RFX2: variants seen among roughly 807,000 people sequenced by gnomAD.
The protein encoded by RFX2 is regulatory factor X2.
RFX2 carries 20 observed loss-of-function variants against 87.8 expected under a neutral mutation model. That is an observed-to-expected ratio of 0.23 (90% CI 0.16 to 0.33). The LOEUF (loss-of-function observed/expected upper bound fraction) is 0.33. Ranked by LOEUF, RFX2 falls within the 10% of genes least tolerant of loss-of-function variation. The pLI, the probability that RFX2 is intolerant of heterozygous loss-of-function variation, is 1.00. For missense variants in RFX2, 767 were observed against 1,012.3 expected (o/e 0.76, Z 3.29); for synonymous variants, 397 against 431.3 (o/e 0.92, Z 0.98).
At position 6,044,376 on chromosome 19, in the gene RFX2, G is replaced by T; in HGVS notation, c.91-94C>A. ...TAAGATGCTGTTTGTCTGTTCATGTGCTTTTTATTAAAACATAGGCAGGAC... is the reference window on the plus strand; with the variant it reads ...TAAGATGCTGTTTGTCTGTTCATGTTCTTTTTATTAAAACATAGGCAGGAC... On this transcript the variant is annotated intron_variant, in intron 2 of 17. Transcript: ENST00000303657. The surrounding 1 kb of genome is among the most constrained non-coding windows in gnomAD (Gnocchi z 5.3). The T allele has an allele frequency of 1.2e-6, 1 of 832,964 alleles. No homozygotes were observed. The highest frequency in any genetic ancestry group is 1.7e-6 in the Non-Finnish European group (1 of 574,730). 51.6% of individuals were successfully genotyped at this position (832,964 alleles called of 1,614,324 possible).
At position 6,017,882 on chromosome 19, in the gene RFX2, C is replaced by T. The variant is rs1409831240; in HGVS notation, c.598-1611G>A. 6.9e-6 allele frequency among the ~76,000 whole-genome samples: 1 copy of T among 145,762 alleles called. No homozygotes were observed. Among genetic ancestry groups the T allele is most frequent in the South Asian group, 2.4e-4 (1 of 4,200 alleles). On this transcript the variant is annotated intron_variant, in intron 6 of 17. Coordinates refer to ENST00000303657, the MANE Select transcript of RFX2 (RefSeq NM_000635.4). The surrounding 1 kb of genome is among the most constrained non-coding windows in gnomAD (Gnocchi z 4.1). Reference sequence around the variant, plus strand: ...CCACAGCGTACCCATGGCACCCCCCCGCCCCACTGTCACGTTTGCCTGTCT... The same window carrying T: ...CCACAGCGTACCCATGGCACCCCCCTGCCCCACTGTCACGTTTGCCTGTCT...
At chr19:6,029,828 A>G (rs1236400205) in intron 5 of RFX2, among the ~76,000 whole-genome samples, 2 of 152,270 alleles carry the variant, frequency 1.3e-5, no homozygotes, top group Admixed American at 1.3e-4. Flanking sequence ...AGTTGAAAGT[A>G]TAATAGCTGG....
intron 6 of RFX2, among the ~76,000 whole-genome samples, chr19:6,025,826 C>T (rs1326903858): frequency 6.9e-6 from 1 of 145,694 alleles, no homozygotes; most frequent in Non-Finnish European, 1.5e-5. Context: ...CACTCTGTTG[C>T]CCAGGCTGGA....
chr19:6,012,914 G>A lies in RFX2; in HGVS notation c.899+72C>T, dbSNP rs1415041016. On this transcript the variant is annotated intron_variant, in intron 8 of 17. Transcript: ENST00000303657. This position sits in a 1 kb window ranked among gnomAD's most constrained non-coding sequence, Gnocchi z 4.6. ...TGGGGAGTTATGATGAGTTTGTTTC[G>A]TGTTGGAGAAACACCCACCCCTCCA... The A allele has an allele frequency of 5.9e-6, 8 of 1,359,378 alleles. No homozygotes were observed. Among genetic ancestry groups the A allele is most frequent in the African/African-American group, 3.0e-5 (2 of 67,136 alleles). The allele number at this position is 1,359,378 out of a possible 1,614,324, so 84.2% of individuals were successfully genotyped here.
In RFX2 at chr19:6,017,221, A is replaced by G. The variant is rs568304792; in HGVS notation, c.598-950T>C. Among the ~76,000 whole-genome samples the G allele has an allele frequency of 6.6e-6, 1 of 152,332 alleles. No individual in the cohort carries two copies. Among genetic ancestry groups the G allele is most frequent in the Non-Finnish European group, 1.5e-5 (1 of 68,020 alleles). On this transcript the variant is annotated intron_variant, in intron 6 of 17. Coordinates refer to ENST00000303657, the MANE Select transcript of RFX2 (RefSeq NM_000635.4). The surrounding 1 kb of genome is among the most constrained non-coding windows in gnomAD (Gnocchi z 4.1). ...ACTCCAGCCTGGGCGACAGGGCAAG[A>G]CTTCGTCTCTTTCAAAAAACGAAAC...
chr19:6,099,417 A>G lies in RFX2; in HGVS notation c.-9+10976T>C, dbSNP rs564995429. ...ATTAAAATTTCTTTTGAAATTTGGT[A>G]AAGGAAAAGTACATATTGAAAGAGC... is the stretch of plus-strand genomic sequence containing the variant. On this transcript the variant is annotated intron_variant, in intron 1 of 17. Transcript: ENST00000303657. 1.2e-4 allele frequency among the ~76,000 whole-genome samples: 18 copies of G among 152,338 alleles called. 1 individual carries two copies. In the South Asian group the frequency reaches 3.7e-3, roughly 32 times the overall value.
rs546388886 is a variant in RFX2 at position 6,001,472 on chromosome 19, C to T, written c.1859+343G>A. ...GAGGTCCTGATATTTTCCCCAGGGTCGTCTCAAATTTCTGGTCTCAAGCCA... is the reference window on the plus strand; with the variant it reads ...GAGGTCCTGATATTTTCCCCAGGGTTGTCTCAAATTTCTGGTCTCAAGCCA... On this transcript the variant is annotated intron_variant, in intron 15 of 17. Coordinates refer to ENST00000303657, the MANE Select transcript of RFX2 (RefSeq NM_000635.4). This position sits in a 1 kb window ranked among gnomAD's most constrained non-coding sequence, Gnocchi z 5.6. Among the ~76,000 whole-genome samples, 4 of 152,134 alleles carry T rather than the reference C, an allele frequency of 2.6e-5. No individual in the cohort carries two copies. The highest frequency in any genetic ancestry group is 5.9e-5 in the Non-Finnish European group (4 of 68,040).
intron 1 of RFX2, among the ~76,000 whole-genome samples, chr19:6,052,067 G>T (rs372617821): frequency 3.3e-5 from 5 of 151,964 alleles, no homozygotes; most frequent in African/African-American, 1.2e-4. Context: ...TAGTAGAGAC[G>T]GGGTTTCACC....
chr19:6,056,479 T>C lies in RFX2; in HGVS notation c.-8-8975A>G, dbSNP rs2087344072. Among the ~76,000 whole-genome samples the C allele has an allele frequency of 6.6e-6, 1 of 152,074 alleles. No individual in the cohort carries two copies. ...TCCTCCCAGAAGGGGTGATGCTGGA[T>C]CCTGAGTAACTCCTCCACCTGGCAG... On this transcript the variant is annotated intron_variant, in intron 1 of 17. Transcript: ENST00000303657. The surrounding 1 kb of genome is among the most constrained non-coding windows in gnomAD (Gnocchi z 4.6).
At position 6,039,947 on chromosome 19, in the gene RFX2, C is replaced by T; in HGVS notation, c.522+33G>A. 1 of 1,516,370 alleles carries T rather than the reference C, an allele frequency of 6.6e-7. No individual in the cohort carries two copies. Among genetic ancestry groups the T allele is most frequent in the Non-Finnish European group, 8.9e-7 (1 of 1,121,510 alleles). The allele number at this position is 1,516,370 out of a possible 1,614,324, so 93.9% of individuals were successfully genotyped here. A position where few individuals can be genotyped will look rare whatever the true frequency, so the allele number is the denominator to read the frequency against. ...CCGCTGCTTCGAGAATACTCATGGC[C>T]TACCCTGCTGGTCCCAAGAGCCTCC... On this transcript the variant is annotated intron_variant, in intron 5 of 17. Transcript: ENST00000303657. The surrounding 1 kb of genome is among the most constrained non-coding windows in gnomAD (Gnocchi z 5.2).
At chr19:6,028,993 C>T (rs2086922773) in intron 5 of RFX2, among the ~76,000 whole-genome samples, 2 of 151,442 alleles carry the variant, frequency 1.3e-5, no homozygotes, top group African/African-American at 2.4e-5. Context: ...GCAGAAGGAT[C>T]GCTTGAATCC....
At chr19:6,015,188 G>A (rs993641470) in intron 7 of RFX2, among the ~76,000 whole-genome samples, 1 of 152,138 alleles carries the variant, frequency 6.6e-6, no homozygotes, top group African/African-American at 2.4e-5. Flanking sequence ...AGAACTTTGG[G>A]AGGCTGAGGC....
Position 6,039,925 on chromosome 19 carries a change from C to T in RFX2, c.522+55G>A. The T allele has an allele frequency of 6.8e-7, 1 of 1,474,332 alleles. No homozygotes were observed. The highest frequency in any genetic ancestry group is 9.1e-7 in the Non-Finnish European group (1 of 1,099,834). 91.3% of individuals were successfully genotyped at this position (1,474,332 alleles called of 1,614,324 possible). A position where few individuals can be genotyped will look rare whatever the true frequency, so the allele number is the denominator to read the frequency against. On this transcript the variant is annotated intron_variant, in intron 5 of 17. Coordinates refer to ENST00000303657, the MANE Select transcript of RFX2 (RefSeq NM_000635.4). The surrounding 1 kb of genome is among the most constrained non-coding windows in gnomAD (Gnocchi z 5.2). ...CTCTTACTCACCATCCCTGCTGCCG[C>T]TGCTTCGAGAATACTCATGGCCTAC...
At chr19:6,076,571 A>G (rs1482858700) in intron 1 of RFX2, among the ~76,000 whole-genome samples, 1 of 152,076 alleles carries the variant, frequency 6.6e-6, no homozygotes, top group Non-Finnish European at 1.5e-5. Flanking sequence ...AAATACTTCT[A>G]TCTGTGTTGG....
In RFX2 at chr19:6,007,244, C is replaced by G. The variant is rs1294266363; in HGVS notation, c.1248-78G>C. The G allele has an allele frequency of 6.8e-7, 1 of 1,472,544 alleles. No homozygotes were observed. Among genetic ancestry groups the G allele is most frequent in the Non-Finnish European group, 9.3e-7 (1 of 1,075,396 alleles). 91.2% of individuals were successfully genotyped at this position (1,472,544 alleles called of 1,614,324 possible). A position where few individuals can be genotyped will look rare whatever the true frequency, so the allele number is the denominator to read the frequency against. On this transcript the variant is annotated intron_variant, in intron 11 of 17. Coordinates refer to ENST00000303657, the MANE Select transcript of RFX2 (RefSeq NM_000635.4). This position sits in a 1 kb window ranked among gnomAD's most constrained non-coding sequence, Gnocchi z 8.2. ...TCAGCCACGGGAGCGAGCAGAGAGC[C>G]GGGCTGCGGGACTTTTGCCCAACAG...
rs1171276887 is a variant in RFX2 at position 6,021,963 on chromosome 19, T to TG, written c.597+4199dup. Among the ~76,000 whole-genome samples the TG allele has an allele frequency of 6.7e-6, 1 of 148,512 alleles. No individual in the cohort carries two copies. Among genetic ancestry groups the TG allele is most frequent in the Non-Finnish European group, 1.5e-5 (1 of 67,130 alleles). The stretch of plus-strand genomic sequence containing the variant: ...CGGGAAGTAGTCGAAGTGGAGGAGG[T>TG]GGGGGGTGCCACCTGGTTCTGGATC... On this transcript the variant is annotated intron_variant, in intron 6 of 17. Transcript: ENST00000303657. The surrounding 1 kb of genome is among the most constrained non-coding windows in gnomAD (Gnocchi z 5.7).
In RFX2 at chr19:5,997,296, A is replaced by C; in HGVS notation, c.1860-83T>G. The C allele has an allele frequency of 7.2e-7, 1 of 1,390,034 alleles. No individual in the cohort carries two copies. The allele number at this position is 1,390,034 out of a possible 1,614,324, so 86.1% of individuals were successfully genotyped here. A position where few individuals can be genotyped will look rare whatever the true frequency, so the allele number is the denominator to read the frequency against. ...AGGCCAGACTTCATGGCAGCAACAC[A>C]CCCCCTGCTCTACGTTCCCTGGGGA... On this transcript the variant is annotated intron_variant, in intron 15 of 17. Transcript: ENST00000303657. The surrounding 1 kb of genome is among the most constrained non-coding windows in gnomAD (Gnocchi z 4.2).
chr19:6,072,202 C>T (rs2087616404), intron 1 of RFX2: 1 of 152,242 alleles, frequency 6.6e-6, no homozygotes, highest in African/African-American at 2.4e-5. Context: ...ACTCAAATCA[C>T]CCTCTTCCTG....
intron 1 of RFX2, among the ~76,000 whole-genome samples, chr19:6,087,202 C>T (rs566715713): frequency 7.2e-5 from 11 of 152,026 alleles, no homozygotes; most frequent in Non-Finnish European, 1.3e-4. Flanking sequence ...ATAGACAGGG[C>T]GACAGGCATA....
Sources: allele counts gnomAD v4.1 joint callset (sites outside exome capture counted in the v4.1 genomes callset), GRCh38; gene constraint gnomAD v4.1.1; non-coding constraint Gnocchi (gnomAD v3.1); transcripts MANE v1.5; gene names NCBI Gene and HGNC (gene_info 2026-07-23, HGNC 2026-07-21).